The following TRAPPC9 variants were observed in gnomAD, a reference collection of about 807,000 sequenced individuals.
TRAPPC9 encodes trafficking protein particle complex subunit 9, also known as IKK2 binding protein.
Under a neutral mutation model 124.0 loss-of-function variants are expected in TRAPPC9, and 83 were observed. That is an observed-to-expected ratio of 0.67 (90% CI 0.56 to 0.80). The LOEUF (loss-of-function observed/expected upper bound fraction) is 0.80, where lower values mean the gene tolerates loss of function less well. Among genes scored for constraint, TRAPPC9 ranks in the 30% least tolerant of loss-of-function variants. The pLI, the probability that TRAPPC9 is intolerant of heterozygous loss-of-function variation, is 0.00. For synonymous variants in TRAPPC9, 638 were observed against 617.5 expected (o/e 1.03, Z -0.49); for missense variants, 1,302 against 1,508.3 (o/e 0.86, Z 2.27).
At chr8:140,190,439 C>A (rs2062465219) in intron 17 of TRAPPC9, among the ~76,000 whole-genome samples, 1 of 151,980 alleles carries the variant, frequency 6.6e-6, no homozygotes, top group South Asian at 2.1e-4. Flanking sequence ...ACTTGGGCGA[C>A]AGAGCCAGAC....
intron 21 of TRAPPC9, among the ~76,000 whole-genome samples, chr8:139,836,015 T>C (rs984988763): frequency 9.5e-6 from 1 of 105,378 alleles, no homozygotes; most frequent in African/African-American, 6.5e-5. Flanking sequence ...TATTTATTTA[T>C]TTATTTTTTT....
At chr8:139,740,168 T>C (rs1294498120) in intron 21 of TRAPPC9, among the ~76,000 whole-genome samples, 1 of 152,222 alleles carries the variant, frequency 6.6e-6, no homozygotes, top group African/African-American at 2.4e-5. Context: ...CCAATCAGCC[T>C]CCTTCCTCAA....
At chr8:139,966,826 G>A (rs779094437) in intron 19 of TRAPPC9, among the ~76,000 whole-genome samples, 1 of 152,042 alleles carries the variant, frequency 6.6e-6, no homozygotes, top group East Asian at 1.9e-4. Flanking sequence ...TGGTCATTTC[G>A]GTGCAACCTC....
rs753238588 is a variant in TRAPPC9 at position 139,991,124 on chromosome 8, A to C, written c.2700-2288T>G. On this transcript the variant is annotated intron_variant, in intron 18 of 22. Coordinates refer to ENST00000438773, the MANE Select transcript of TRAPPC9 (RefSeq NM_001160372.4). ...ATTCCTCTGTTGTCATAACTTCATG[A>C]AATCTTTAATCACAGCAAAATCTTT... Among the ~76,000 whole-genome samples, 5 of 152,230 alleles carry C rather than the reference A, an allele frequency of 3.3e-5. No individual in the cohort carries two copies. The East Asian group carries it at 9.6e-4, about 29-fold the overall frequency.
At chr8:140,038,297 G>C (rs959175174) in intron 17 of TRAPPC9, among the ~76,000 whole-genome samples, 4 of 152,164 alleles carry the variant, frequency 2.6e-5, no homozygotes, top group Non-Finnish European at 4.4e-5. Context: ...CTGCTCACCC[G>C]TGCTCCACGG....
Position 140,370,912 on chromosome 8 carries a change from T to C in TRAPPC9, c.1351+52A>G, listed in dbSNP as rs372523385. On this transcript the variant is annotated intron_variant, in intron 8 of 22. Coordinates refer to ENST00000438773, the MANE Select transcript of TRAPPC9 (RefSeq NM_001160372.4). ...TCAGGGCAGGGGCTGAAACAGCATG[T>C]GACCATCAGACAGAAAGCAACACCT... 2.6e-3 allele frequency: 4,128 copies of C among 1,599,980 alleles called. 13 individuals are homozygous for C. The highest frequency in any genetic ancestry group is 3.8e-3 in the South Asian group (344 of 90,754).
Position 140,231,481 on chromosome 8 carries a change from C to CTTTTTTTTTTTTT in TRAPPC9, c.2432-9911_2432-9899dup, listed in dbSNP as rs71320347. On this transcript the variant is annotated intron_variant, in intron 16 of 22. Coordinates refer to ENST00000438773, the MANE Select transcript of TRAPPC9 (RefSeq NM_001160372.4). ...AACTGCTAGTAAATCACTGCCTTTTCTTTTTTTTTTTTTTTTTTTTTTTTT... is the reference window on the plus strand; with the variant it reads ...AACTGCTAGTAAATCACTGCCTTTTCTTTTTTTTTTTTTTTTTTTTTTTTTTTTTTTTTTTTTT... 1.8e-4 allele frequency among the ~76,000 whole-genome samples: 10 copies of CTTTTTTTTTTTTT among 56,992 alleles called. 1 individual carries two copies. Among genetic ancestry groups the CTTTTTTTTTTTTT allele is most frequent in the African/African-American group, 6.5e-4 (9 of 13,766 alleles). 37.4% of individuals were successfully genotyped at this position (56,992 alleles called of 152,430 possible).
intron 14 of TRAPPC9, among the ~76,000 whole-genome samples, chr8:140,279,096 G>A (rs1404492687): frequency 2.0e-5 from 3 of 152,192 alleles, no homozygotes; most frequent in Admixed American, 6.5e-5. Flanking sequence ...ACCAATTGTT[G>A]TGGATCTTGT....
chr8:140,351,007 A>T (rs2067552470), intron 9 of TRAPPC9, among the ~76,000 whole-genome samples: 1 of 151,836 alleles, frequency 6.6e-6, no homozygotes, highest in Admixed American at 6.6e-5. Context: ...AATTAAACAG[A>T]ACGAAGGCAG....
At chr8:139,976,900 A>G in intron 19 of TRAPPC9, among the ~76,000 whole-genome samples, 1 of 152,150 alleles carries the variant, frequency 6.6e-6, no homozygotes, top group East Asian at 1.9e-4. Flanking sequence ...GGGGAGACAC[A>G]GGGTCCCCGA....
At chr8:139,816,821 T>C (rs370609656) in intron 21 of TRAPPC9, among the ~76,000 whole-genome samples, 4 of 151,976 alleles carry the variant, frequency 2.6e-5, no homozygotes, top group East Asian at 1.9e-4. Flanking sequence ...AACAGTGACT[T>C]CCCACCTCCT....
At chr8:140,235,077 T>C (rs2063700695) in intron 16 of TRAPPC9, among the ~76,000 whole-genome samples, 1 of 152,116 alleles carries the variant, frequency 6.6e-6, no homozygotes, top group African/African-American at 2.4e-5. Flanking sequence ...TTCAAGCAAT[T>C]CTCCTGCCTC....
Position 140,294,831 on chromosome 8 carries a change from G to A in TRAPPC9, c.1769-3753C>T, listed in dbSNP as rs755246420. On this transcript the variant is annotated intron_variant, in intron 11 of 22. Coordinates refer to ENST00000438773, the MANE Select transcript of TRAPPC9 (RefSeq NM_001160372.4). ...TCACCATGTTGGCCAGGCTAGTCTC[G>A]AACTCCTGACCTCAACTAATCCCCC... Among the ~76,000 whole-genome samples the A allele has an allele frequency of 4.6e-5, 7 of 152,010 alleles. No individual in the cohort carries two copies. The East Asian group carries it at 1.2e-3, about 25-fold the overall frequency.
At chr8:140,366,883 G>C (rs911848428) in intron 8 of TRAPPC9, among the ~76,000 whole-genome samples, 5 of 152,138 alleles carry the variant, frequency 3.3e-5, no homozygotes, top group African/African-American at 1.2e-4. Flanking sequence ...CAACAGCAAT[G>C]AAACAAACAA....
rs543089375 is a variant in TRAPPC9, at chr8:140,177,554, G to A, written c.2556+43905C>T. ...ACACTGTGTTAATTACTGTAGCTTC[G>A]TTGTCTGGGATATTTTAGTTCCTAC... On this transcript the variant is annotated intron_variant, in intron 17 of 22. Transcript: ENST00000438773. Among the ~76,000 whole-genome samples the A allele has an allele frequency of 1.3e-4, 20 of 151,844 alleles. No homozygotes were observed. The South Asian group carries it at 3.5e-3, about 27-fold the overall frequency.
At chr8:140,148,421 AAAATTCC>A (rs2130811356) in intron 17 of TRAPPC9, among the ~76,000 whole-genome samples, 1 of 152,352 alleles carries the variant, frequency 6.6e-6, no homozygotes, top group East Asian at 1.9e-4. Flanking sequence ...CAGAGAAAAG[AAAATTCC>A]CAGTGTCCTT....
At chr8:140,067,733 A>G (rs1049848756) in intron 17 of TRAPPC9, among the ~76,000 whole-genome samples, 2 of 152,198 alleles carry the variant, frequency 1.3e-5, no homozygotes, top group Non-Finnish European at 2.9e-5. Context: ...CAAATACAAG[A>G]GTCTTATTTT....
intron 21 of TRAPPC9, among the ~76,000 whole-genome samples, chr8:139,845,070 C>T (rs888603202): frequency 2.0e-5 from 3 of 152,228 alleles, no homozygotes; most frequent in African/African-American, 7.2e-5. Context: ...TCCCAGCACT[C>T]AAGCAACACG....
intron 7 of TRAPPC9, among the ~76,000 whole-genome samples, chr8:140,375,187 A>G (rs1476158977): frequency 6.6e-6 from 1 of 152,192 alleles, no homozygotes; most frequent in Non-Finnish European, 1.5e-5. Context: ...TCTTGAAATG[A>G]GATGAAATCC....
Sources: allele counts gnomAD v4.1 joint callset (sites outside exome capture counted in the v4.1 genomes callset), GRCh38; gene constraint gnomAD v4.1.1; transcripts MANE v1.5; gene names NCBI Gene and HGNC (gene_info 2026-07-23, HGNC 2026-07-21).